ST7: variants seen among roughly 807,000 people sequenced by gnomAD.
ST7 encodes the protein suppression of tumorigenicity 7.
Under a neutral mutation model 78.7 loss-of-function variants are expected in ST7, and 28 were observed. The ratio of observed to expected loss-of-function variants is 0.36; its 90% CI spans 0.26 to 0.49. The LOEUF is 0.49. Among genes scored for constraint, ST7 ranks in the 20% least tolerant of loss-of-function variants. The probability of loss-of-function intolerance (pLI) is 0.99; values close to 1 mark genes in which losing one functional copy is unlikely to be tolerated. For synonymous variants in ST7, 247 were observed against 249.6 expected, an observed-to-expected ratio of 0.99 and a Z score of 0.10; for missense variants, 418 against 696.0, an observed-to-expected ratio of 0.60 and a Z score of 4.49.
chr7:117,158,603 A>G (rs1391608705), intron 9 of ST7, among the ~76,000 whole-genome samples: 1 of 152,196 alleles, frequency 6.6e-6, no homozygotes, highest in African/African-American at 2.4e-5. Context: ...TTACTTTTCA[A>G]TGGATGCAGC....
intron 1 of ST7, among the ~76,000 whole-genome samples, chr7:117,070,725 A>T (rs1365050081): frequency 6.6e-6 from 1 of 151,630 alleles, no homozygotes; most frequent in Non-Finnish European, 1.5e-5. Context: ...TTGTATTTTT[A>T]GTAGAGACGG....
rs183443828 is a variant in ST7, at chr7:116,984,010, A to G, written c.151+30319A>G. 1.6e-3 allele frequency among the ~76,000 whole-genome samples: 251 copies of G among 152,242 alleles called. 1 individual carries two copies. The highest frequency in any genetic ancestry group is 5.3e-3 in the African/African-American group (221 of 41,526). The stretch of plus-strand genomic sequence containing the variant: ...GTGATATCGATCAAATTATGTGAAG[A>G]TGTAAGGCCTTGAAGAAACCTTGCA... On this transcript the variant is annotated intron_variant, in intron 1 of 15. Coordinates refer to ENST00000323984, the MANE Select transcript of ST7 (RefSeq NM_001369598.1).
intron 9 of ST7, among the ~76,000 whole-genome samples, chr7:117,163,334 G>GT (rs1563133705): frequency 6.6e-6 from 1 of 152,140 alleles, no homozygotes; most frequent in South Asian, 2.1e-4. Context: ...TCTATTTGTG[G>GT]TTTTTTTGAA....
chr7:117,020,522 C>T, intron 1 of ST7: 1 of 1,508,978 alleles, frequency 6.6e-7, no homozygotes, highest in East Asian at 2.5e-5. Context: ...TCTTCACTCT[C>T]ACATGTACAC....
chr7:117,154,068 C>T (rs75886248), intron 9 of ST7, among the ~76,000 whole-genome samples: 1,790 of 152,248 alleles, frequency 0.012, 49 homozygotes, highest in African/African-American at 0.041. Context: ...AGGAGTACTA[C>T]GGAATGAATG....
At chr7:117,211,292 C>T (rs1316505681) in intron 13 of ST7, among the ~76,000 whole-genome samples, 1 of 152,190 alleles carries the variant, frequency 6.6e-6, no homozygotes, top group Non-Finnish European at 1.5e-5. Flanking sequence ...CAGGTGCCTG[C>T]GTGGCACCAG....
rs143764947 is a variant in ST7 at position 117,081,135 on chromosome 7, T to C, written c.152-18627T>C. 8.4e-3 allele frequency: 1,272 copies of C among 152,240 alleles called. 18 individuals carry two copies. Among genetic ancestry groups the C allele is most frequent in the African/African-American group, 0.028 (1,169 of 41,546 alleles). 9.4% of individuals were successfully genotyped at this position (152,240 alleles called of 1,614,324 possible). ...TCCAAATAAAAGCAAAAATTATAAC[T>C]TGAAAATATAAAAGGGTATTACCTC... On this transcript the variant is annotated intron_variant, in intron 1 of 15. Transcript: ENST00000323984.
At chr7:117,216,772 A>G (rs1173271379) in intron 13 of ST7, among the ~76,000 whole-genome samples, 1 of 143,464 alleles carries the variant, frequency 7.0e-6, no homozygotes, top group African/African-American at 2.6e-5. Context: ...CCTTAATATT[A>G]TTTTTTGAGC....
In ST7 at chr7:117,219,649, G is replaced by A. The variant is rs1178870352; in HGVS notation, c.1498+473G>A. Among the ~76,000 whole-genome samples the A allele has an allele frequency of 1.3e-5, 2 of 152,240 alleles. No homozygotes were observed. The highest frequency in any genetic ancestry group is 1.5e-5 in the Non-Finnish European group (1 of 68,050). On this transcript the variant is annotated intron_variant, in intron 14 of 15. Transcript: ENST00000323984. The surrounding 1 kb of genome is among the most constrained non-coding windows in gnomAD (Gnocchi z 5.1). ...GGCCAGATGTGGAGTTGTGGGGCAG[G>A]GCAGTGTGCTGTGTGGTGAGGCTGT...
rs541668445 is a variant in ST7 at position 117,086,898 on chromosome 7, G to A, written c.152-12864G>A. ...TTGGAATTGAAAATAATAAAGCCAA[G>A]GGCTTATTTTGGACAACCATGCAGC... On this transcript the variant is annotated intron_variant, in intron 1 of 15. Transcript: ENST00000323984. Among the ~76,000 whole-genome samples the A allele has an allele frequency of 5.1e-4, 77 of 152,286 alleles. No individual in the cohort carries two copies. The Middle Eastern group carries it at 0.01, about 20-fold the overall frequency.
intron 1 of ST7, among the ~76,000 whole-genome samples, chr7:117,002,399 A>G (rs1794971693): frequency 6.6e-6 from 1 of 152,060 alleles, no homozygotes; most frequent in Non-Finnish European, 1.5e-5. Flanking sequence ...AGCCTTATGA[A>G]TATACACTCT....
chr7:116,967,210 A>G (rs1489841153), intron 1 of ST7: 2 of 435,790 alleles, frequency 4.6e-6, no homozygotes, highest in Non-Finnish European at 9.8e-6. Flanking sequence ...GACGAAGGCT[A>G]TATTGGTATG....
At chr7:117,120,908 A>C (rs1242210738) in intron 3 of ST7, among the ~76,000 whole-genome samples, 2 of 152,196 alleles carry the variant, frequency 1.3e-5, no homozygotes, top group African/African-American at 4.8e-5. Flanking sequence ...CAGCAAAATA[A>C]CAGGGACAAT....
intron 1 of ST7, among the ~76,000 whole-genome samples, chr7:116,969,493 A>G (rs1403522175): frequency 3.9e-5 from 6 of 152,140 alleles, no homozygotes; most frequent in Non-Finnish European, 8.8e-5. Flanking sequence ...ATCACTGTTG[A>G]TATTGACCTT....
At chr7:117,163,073 C>T (rs1479139496) in intron 9 of ST7, among the ~76,000 whole-genome samples, 3 of 152,152 alleles carry the variant, frequency 2.0e-5, no homozygotes, top group Admixed American at 6.6e-5. Context: ...ATAGTGTCCT[C>T]TAGTTTCATC....
At chr7:117,005,824 T>TA (rs575747669) in intron 1 of ST7, among the ~76,000 whole-genome samples, 26 of 152,370 alleles carry the variant, frequency 1.7e-4, no homozygotes, top group South Asian at 1.4e-3. Context: ...ATTTATTTTT[T>TA]ATCTTTAATT....
At chr7:117,168,340 A>G (rs911245540) in intron 9 of ST7, among the ~76,000 whole-genome samples, 1 of 152,212 alleles carries the variant, frequency 6.6e-6, no homozygotes, top group African/African-American at 2.4e-5. Flanking sequence ...TTGGAATTGC[A>G]CTTTTTAAAT....
intron 1 of ST7, among the ~76,000 whole-genome samples, chr7:116,968,200 ACT>A (rs1491462659): frequency 6.6e-6 from 1 of 151,198 alleles, no homozygotes; most frequent in African/African-American, 2.4e-5. Context: ...TCTAATATTC[ACT>A]TTTTTTGTTT....
chr7:117,168,613 C>T (rs193555), intron 9 of ST7, among the ~76,000 whole-genome samples: 19,149 of 152,116 alleles, frequency 0.13, 2,230 homozygotes, highest in African/African-American at 0.31. Context: ...TAGTCTTATT[C>T]ACCTCCTTTA....
Sources: gnomAD v4.1 joint callset for allele counts (sites outside exome capture counted in the v4.1 genomes callset) on GRCh38, gnomAD v4.1.1 for gene constraint, Gnocchi (gnomAD v3.1) non-coding constraint, MANE v1.5 for transcripts, NCBI Gene and HGNC (gene_info 2026-07-23, HGNC 2026-07-21) for gene names.